OSBP2: variants seen among roughly 807,000 people sequenced by gnomAD.
The protein encoded by OSBP2 is oxysterol binding protein 2, also known as oxysterol-binding protein 2.
Under a neutral mutation model 96.0 loss-of-function variants are expected in OSBP2, and 66 were observed. That is an observed-to-expected ratio of 0.69 (90% CI 0.56 to 0.84). The LOEUF is 0.84. Ranked by LOEUF, OSBP2 falls within the 40% of genes least tolerant of loss-of-function variation. OSBP2 has a pLI of 0.00. For synonymous variants in OSBP2, 525 were observed against 520.9 expected (o/e 1.01, Z -0.11); for missense variants, 1,038 against 1,222.7 (o/e 0.85, Z 2.25).
At chr22:30,855,240 T>TA in intron 2 of OSBP2, among the ~76,000 whole-genome samples, 1 of 152,206 alleles carries the variant, frequency 6.6e-6, no homozygotes, top group Non-Finnish European at 1.5e-5. Flanking sequence ...GCTATATAGT[T>TA]CTAGGCTTTT....
At chr22:30,706,145 C>A (rs1028080467) in intron 1 of OSBP2, among the ~76,000 whole-genome samples, 1 of 152,110 alleles carries the variant, frequency 6.6e-6, no homozygotes, top group African/African-American at 2.4e-5. Flanking sequence ...GTAAGAAACA[C>A]CTCTGAACAA....
chr22:30,849,139 A>C (rs1339620910), intron 2 of OSBP2, among the ~76,000 whole-genome samples: 2 of 152,076 alleles, frequency 1.3e-5, no homozygotes, highest in Admixed American at 1.3e-4. Context: ...ATGATGGTGC[A>C]CGCCTGTAGT....
At chr22:30,863,167 G>A (rs984784728) in intron 2 of OSBP2, among the ~76,000 whole-genome samples, 2 of 152,176 alleles carry the variant, frequency 1.3e-5, no homozygotes. Context: ...ACACGGTGAC[G>A]TTGCTTGATA....
intron 2 of OSBP2, among the ~76,000 whole-genome samples, chr22:30,793,777 G>A (rs1258244900): frequency 1.3e-5 from 2 of 152,164 alleles, no homozygotes; most frequent in African/African-American, 2.4e-5. Flanking sequence ...AGGAGTTTGA[G>A]GCTGCAGTGA....
At chr22:30,775,201 CCT>C (rs747826936) in intron 2 of OSBP2, among the ~76,000 whole-genome samples, 11 of 152,130 alleles carry the variant, frequency 7.2e-5, no homozygotes, top group Non-Finnish European at 1.2e-4. Context: ...CTCCCCATTT[CCT>C]CTCTCTCAGC....
chr22:30,755,769 C>T (rs553450042), intron 2 of OSBP2, among the ~76,000 whole-genome samples: 1 of 152,322 alleles, frequency 6.6e-6, no homozygotes, highest in East Asian at 1.9e-4. Context: ...GCAAACCTGG[C>T]CCAGGGACTG....
intron 5 of OSBP2, among the ~76,000 whole-genome samples, 174 bp from the exon 6 acceptor site, chr22:30,889,003 C>T (rs2039881601): frequency 2.6e-5 from 4 of 152,168 alleles, no homozygotes; most frequent in Admixed American, 1.3e-4. Flanking sequence ...CTGTCATATA[C>T]ACTATCCACC....
chr22:30,822,522 C>T (rs2038297546), intron 2 of OSBP2: 2 of 1,375,164 alleles, frequency 1.5e-6, no homozygotes, highest in East Asian at 2.9e-5. Context: ...CCACGAGTGT[C>T]CGCCGCCTCC....
rs578025541 is a variant in OSBP2 at position 30,844,985 on chromosome 22, G to T, written c.854-25444G>T. Reference sequence around the variant, plus strand: ...AGGGAGGCTCAAGAAGGAGAGAGATGGGGGAATGGCTGGTCAGTGGAACAG... The same window carrying T: ...AGGGAGGCTCAAGAAGGAGAGAGATTGGGGAATGGCTGGTCAGTGGAACAG... On this transcript the variant is annotated intron_variant, in intron 2 of 13. Coordinates refer to ENST00000332585, the MANE Select transcript of OSBP2 (RefSeq NM_030758.4). Among the ~76,000 whole-genome samples, 12 of 152,346 alleles carry T rather than the reference G, an allele frequency of 7.9e-5. 1 individual carries two copies. The South Asian group carries it at 2.3e-3, about 29-fold the overall frequency.
At chr22:30,804,475 G>C (rs971074778) in intron 2 of OSBP2, among the ~76,000 whole-genome samples, 1 of 152,300 alleles carries the variant, frequency 6.6e-6, no homozygotes, top group Admixed American at 6.5e-5. Flanking sequence ...GAAAGAGGAG[G>C]GGGGAAGATA....
intron 1 of OSBP2, among the ~76,000 whole-genome samples, chr22:30,711,499 G>A (rs2089348785): frequency 6.6e-6 from 1 of 151,946 alleles, no homozygotes; most frequent in Non-Finnish European, 1.5e-5. Flanking sequence ...CCAGCACTTT[G>A]GTAGCCAAGG....
At chr22:30,791,284 T>C (rs1187583570) in intron 2 of OSBP2, among the ~76,000 whole-genome samples, 3 of 151,284 alleles carry the variant, frequency 2.0e-5, no homozygotes, top group Non-Finnish European at 4.4e-5. Flanking sequence ...CACATCTCTT[T>C]TTCAGGCTGC....
intron 1 of OSBP2, among the ~76,000 whole-genome samples, chr22:30,729,678 T>C (rs1324837658): frequency 6.6e-6 from 1 of 151,974 alleles, no homozygotes; most frequent in African/African-American, 2.4e-5. Flanking sequence ...TGTGTGTGTA[T>C]ATATGTATAC....
chr22:30,740,692 CG>C lies in OSBP2; in HGVS notation c.645-468del, dbSNP rs562492895. Among the ~76,000 whole-genome samples the C allele has an allele frequency of 5.6e-3, 855 of 152,146 alleles. 7 individuals carry two copies. The highest frequency in any genetic ancestry group is 0.019 in the African/African-American group (807 of 41,480). On this transcript the variant is annotated intron_variant, in intron 1 of 13. Coordinates refer to ENST00000332585, the MANE Select transcript of OSBP2 (RefSeq NM_030758.4). ...ATTTTTAGTAGAGACAGGGTTTCACCGTGTTGGCTCATGACCTCAAGTGATC... is the reference window on the plus strand; with the variant it reads ...ATTTTTAGTAGAGACAGGGTTTCACCTGTTGGCTCATGACCTCAAGTGATC...
chr22:30,739,670 G>A (rs143622129), intron 1 of OSBP2, among the ~76,000 whole-genome samples: 14 of 152,056 alleles, frequency 9.2e-5, no homozygotes, highest in Admixed American at 2.6e-4. Flanking sequence ...CGCCCAAGGG[G>A]TTCACCTTGC....
chr22:30,774,145 G>T (rs542326094), intron 2 of OSBP2, among the ~76,000 whole-genome samples: 3 of 152,264 alleles, frequency 2.0e-5, no homozygotes, highest in East Asian at 3.9e-4. Flanking sequence ...GACTCCCCAG[G>T]GGGGCTGGGC....
intron 2 of OSBP2, among the ~76,000 whole-genome samples, chr22:30,863,739 G>A (rs1003758705): frequency 5.9e-5 from 9 of 152,174 alleles, no homozygotes; most frequent in African/African-American, 1.9e-4. Flanking sequence ...CTGTGGGCCC[G>A]AGGGAGGTCC....
Position 30,779,035 on chromosome 22 carries a change from C to CA in OSBP2, c.853+37678dup, listed in dbSNP as rs71688104. On this transcript the variant is annotated intron_variant, in intron 2 of 13. Transcript: ENST00000332585. ...TTGGCAACAGAAGGAGACTCCATCT[C>CA]AAAAAAAAAAAATACTGATTTAATT... 2.3e-3 allele frequency among the ~76,000 whole-genome samples: 311 copies of CA among 136,394 alleles called. 1 individual carries two copies. The Middle Eastern group carries it at 0.028, about 12-fold the overall frequency. The allele number at this position is 136,394 out of a possible 152,430, so 89.5% of individuals were successfully genotyped here.
At chr22:30,828,796 G>A (rs1325071829) in intron 2 of OSBP2, among the ~76,000 whole-genome samples, 2 of 152,176 alleles carry the variant, frequency 1.3e-5, no homozygotes, top group African/African-American at 4.8e-5. Context: ...AGACGGGGGA[G>A]AGGTGGGCAG....
Sources: gnomAD v4.1 joint callset for allele counts (sites outside exome capture counted in the v4.1 genomes callset) on GRCh38, gnomAD v4.1.1 for gene constraint, MANE v1.5 for transcripts, NCBI Gene and HGNC (gene_info 2026-07-23, HGNC 2026-07-21) for gene names.